DCLK3: variants seen among roughly 807,000 people sequenced by gnomAD.
The protein encoded by DCLK3 is serine/threonine-protein kinase DCLK3.
Under a neutral mutation model 46.4 loss-of-function variants are expected in DCLK3, and 30 were observed. The ratio of observed to expected loss-of-function variants is 0.65; its 90% confidence interval spans 0.48 to 0.88. The LOEUF is 0.88. Among genes scored for constraint, DCLK3 ranks in the 40% least tolerant of loss-of-function variants. The pLI is 0.00. For missense variants in DCLK3, 846 were observed against 907.1 expected (o/e 0.93, Z 0.87); for synonymous variants, 401 against 339.2 (o/e 1.18, Z -2.00).
chr3:36,733,680 T>A (rs1348350621), intron 2 of DCLK3, among the ~76,000 whole-genome samples: 3 of 152,310 alleles, frequency 2.0e-5, no homozygotes, highest in Non-Finnish European at 4.4e-5. Flanking sequence ...AGCTGGAAAT[T>A]CTTATAATTA....
At chr3:36,722,561 A>T in intron 2 of DCLK3, among the ~76,000 whole-genome samples, 1 of 152,040 alleles carries the variant, frequency 6.6e-6, no homozygotes, top group African/African-American at 2.4e-5. Context: ...TTGAATTGTA[A>T]CTCCCACAAT....
chr3:36,747,263 T>C (rs1701401385), intron 1 of DCLK3, among the ~76,000 whole-genome samples: 1 of 151,918 alleles, frequency 6.6e-6, no homozygotes. Flanking sequence ...AAAGACAGAT[T>C]GACAGGAGAA....
chr3:36,762,732 AC>A (rs1701550659), intron 1 of DCLK3, among the ~76,000 whole-genome samples: 1 of 152,222 alleles, frequency 6.6e-6, no homozygotes, highest in African/African-American at 2.4e-5. Context: ...AAGTGAAGGC[AC>A]CCAGGGTACC....
At chr3:36,757,498 A>ACTG (rs1701496770) in intron 1 of DCLK3, among the ~76,000 whole-genome samples, 1 of 152,028 alleles carries the variant, frequency 6.6e-6, no homozygotes, top group South Asian at 2.1e-4. Context: ...AAAAAAAAGT[A>ACTG]TGTGCTTAAT....
rs760049057 is a variant in DCLK3, at chr3:36,737,860, A to T, written c.1307T>A (p.Met436Lys). 8.1e-6 allele frequency: 13 copies of T among 1,613,740 alleles called. No homozygotes were observed. The South Asian group carries it at 1.1e-4, about 14-fold the overall frequency. The change falls in exon 2 of 5, where the codon ATG becomes AAG. Residue 436 changes from methionine (M) to lysine (K), a missense_variant. Met to Lys is a moderately conservative substitution (Grantham distance 95). Around this residue, in one of 3 missense-constraint regions of DCLK3, gnomAD observed 553 missense variants for 543.0 expected, o/e 1.02. Transcript: ENST00000636136. This position sits in a 1 kb window ranked among gnomAD's most constrained non-coding sequence, Gnocchi z 4.4. ...CCAGCCACCATGTTTGCTCCTGCTCATGGGCCTGGTGTCCTTCTTCACCTC... is the reference window on the plus strand; with the variant it reads ...CCAGCCACCATGTTTGCTCCTGCTCTTGGGCCTGGTGTCCTTCTTCACCTC... ...LREVKKDTRP[M>K]SRSKHGGWLL...
rs1575140534 is a variant in DCLK3 at position 36,734,682 on chromosome 3, A to G, written c.1959+2526T>C. On this transcript the variant is annotated intron_variant, in intron 2 of 4. Transcript: ENST00000636136. ...CATTTAGGCTGAAAAAATTATAACC[A>G]CTCTGTAGTTTGCCTTCTCTCCCTC... 1.3e-5 allele frequency among the ~76,000 whole-genome samples: 2 copies of G among 151,210 alleles called. 1 individual carries two copies. The highest frequency in any genetic ancestry group is 4.2e-4 in the South Asian group (2 of 4,756).
chr3:36,739,429 G>C (rs1701320237), intron 1 of DCLK3, among the ~76,000 whole-genome samples: 1 of 152,188 alleles, frequency 6.6e-6, no homozygotes, highest in African/African-American at 2.4e-5. Flanking sequence ...TGTATTGTGG[G>C]AGAAACCTAG....
At chr3:36,727,874 C>T (rs1701144333) in intron 2 of DCLK3, among the ~76,000 whole-genome samples, 1 of 152,320 alleles carries the variant, frequency 6.6e-6, no homozygotes, top group Non-Finnish European at 1.5e-5. Flanking sequence ...TTGCAACAAG[C>T]ACCTCACATA....
At chr3:36,733,007 T>C (rs1356399474) in intron 2 of DCLK3, among the ~76,000 whole-genome samples, 1 of 152,212 alleles carries the variant, frequency 6.6e-6, no homozygotes, top group Admixed American at 6.5e-5. Flanking sequence ...TTTATCCTTC[T>C]GGATTTTCCC....
rs74757026 is a variant in DCLK3, at chr3:36,763,566, G to A, written c.82+616C>T. ...TCCTAATCATCTTTGGTTCTTCTGT[G>A]TTTCTTTAGTTCTAAGGAGGGTTTC... is the stretch of plus-strand genomic sequence containing the variant. On this transcript the variant is annotated intron_variant, in intron 1 of 4. Coordinates refer to ENST00000636136, the MANE Select transcript of DCLK3 (RefSeq NM_001394672.2). 3.2e-4 allele frequency among the ~76,000 whole-genome samples: 49 copies of A among 152,286 alleles called. No individual in the cohort carries two copies. The East Asian group carries it at 7.2e-3, about 22-fold the overall frequency.
rs1375795116 is a variant in DCLK3, at chr3:36,721,571, C to A, written c.2048G>T (p.Cys683Phe). ...KHVVRPIFTV[C>F]GTPTYVAPEI... ...GGGAGCTACGTAAGTTGGGGTCCCA[C>A]ACACAGTAAATATAGGTCTCACCAC... Residue 683 changes from cysteine to phenylalanine, a missense_variant, in exon 3 of 5, where the codon TGT becomes TTT. Coordinates refer to ENST00000636136, the MANE Select transcript of DCLK3 (RefSeq NM_001394672.2). The A allele has an allele frequency of 6.2e-7, 1 of 1,614,204 alleles. No individual in the cohort carries two copies.
chr3:36,752,681 C>T (rs1004435221), intron 1 of DCLK3, among the ~76,000 whole-genome samples: 1 of 152,122 alleles, frequency 6.6e-6, no homozygotes, highest in South Asian at 2.1e-4. Flanking sequence ...CTCCAAGAGG[C>T]CTTACCTGAA....
rs1701565459 is a variant in DCLK3, at chr3:36,764,240, C to A, written c.24G>T (p.Pro8=). ...GCCGGGCCGGGGGCGGCGGCGGCTGCGGGGCTGGAGTGGCGGCGGGCATGG... is the reference window on the plus strand; with the variant it reads ...GCCGGGCCGGGGGCGGCGGCGGCTGAGGGGCTGGAGTGGCGGCGGGCATGG... MPAATPA[P]QPPPPPARPA... Residue 8 remains proline, a synonymous_variant, in exon 1 of 5, where the codon CCG becomes CCT. Coordinates refer to ENST00000636136, the MANE Select transcript of DCLK3 (RefSeq NM_001394672.2). This position sits in a 1 kb window ranked among gnomAD's most constrained non-coding sequence, Gnocchi z 4.9. The A allele has an allele frequency of 6.5e-6, 2 of 305,488 alleles. No homozygotes were observed. The highest frequency in any genetic ancestry group is 1.0e-4 in the East Asian group (2 of 19,476). 18.9% of individuals were successfully genotyped at this position (305,488 alleles called of 1,614,324 possible).
At chr3:36,727,824 T>C (rs574108834) in intron 2 of DCLK3, among the ~76,000 whole-genome samples, 1 of 152,362 alleles carries the variant, frequency 6.6e-6, no homozygotes. Flanking sequence ...CTTAATTACA[T>C]TTAAGGTCGC....
chr3:36,755,364 G>GA (rs903838323), intron 1 of DCLK3, among the ~76,000 whole-genome samples: 1 of 151,542 alleles, frequency 6.6e-6, no homozygotes, highest in South Asian at 2.1e-4. Flanking sequence ...AAGAATTTAA[G>GA]AAAAAAAACT....
At chr3:36,747,064 T>TA (rs1245915985) in intron 1 of DCLK3, among the ~76,000 whole-genome samples, 1 of 152,216 alleles carries the variant, frequency 6.6e-6, no homozygotes, top group Non-Finnish European at 1.5e-5. Context: ...TGATATGTTA[T>TA]AAAAACATGG....
rs768526304 is a variant in DCLK3 at position 36,743,187 on chromosome 3, G to T, written c.83-4103C>A. Among the ~76,000 whole-genome samples the T allele has an allele frequency of 6.0e-5, 9 of 148,900 alleles. 1 individual carries two copies. The highest frequency in any genetic ancestry group is 2.0e-4 in the Admixed American group (3 of 14,774). On this transcript the variant is annotated intron_variant, in intron 1 of 4. Transcript: ENST00000636136. ...TTTGAGCACTGACATTCCTACCAAA[G>T]GAAATGATCATTGGAGCATTTCAGA... is the stretch of plus-strand genomic sequence containing the variant.
At chr3:36,718,297 T>G in intron 3 of DCLK3, 120 bp from the exon 4 acceptor site, 1 of 1,412,490 alleles carries the variant, frequency 7.1e-7, no homozygotes, top group Non-Finnish European at 9.7e-7. Context: ...ATCCCAGCTC[T>G]CAGCAACCAA....
chr3:36,755,892 T>C (rs1037945848), intron 1 of DCLK3, among the ~76,000 whole-genome samples: 1 of 152,186 alleles, frequency 6.6e-6, no homozygotes, highest in African/African-American at 2.4e-5. Context: ...TCAAAGCACA[T>C]GGCCTCCAAG....
Sources: gnomAD v4.1 joint callset for allele counts (sites outside exome capture counted in the v4.1 genomes callset) on GRCh38, gnomAD v4.1.1 for gene constraint, gnomAD v4.1.1 regional missense constraint, Gnocchi (gnomAD v3.1) non-coding constraint, MANE v1.5 for transcripts, NCBI Gene and HGNC (gene_info 2026-07-23, HGNC 2026-07-21) for gene names.